SPACA7: variants seen among roughly 807,000 people sequenced by gnomAD.
The protein encoded by SPACA7 is sperm acrosome associated 7, also known as sperm acrosome-associated protein 7.
SPACA7 carries 19 observed loss-of-function variants against 26.3 expected under a neutral mutation model. That is an observed-to-expected ratio of 0.72 (90% CI 0.50 to 1.06). The LOEUF is 1.06. Among genes scored for constraint, SPACA7 ranks in the 50% least tolerant of loss-of-function variants. SPACA7 has a pLI of 0.00. For missense variants in SPACA7, 211 were observed against 229.9 expected (o/e 0.92, Z 0.53); for synonymous variants, 84 against 84.5 (o/e 0.99, Z 0.04).
chr13:112,432,332 C>T (rs574952299), intron 5 of SPACA7, 112 bp from the exon 6 acceptor site: 41 of 795,826 alleles, frequency 5.2e-5, no homozygotes, highest in East Asian at 1.2e-4. Context: ...TTGCTCTGTG[C>T]GTGGGTGCTG....
intron 5 of SPACA7, among the ~76,000 whole-genome samples, chr13:112,423,679 T>A (rs1876225850): frequency 6.6e-6 from 1 of 152,178 alleles, no homozygotes; most frequent in Non-Finnish European, 1.5e-5. Flanking sequence ...CCCATATCAG[T>A]GAAGAACATA....
intron 1 of SPACA7, among the ~76,000 whole-genome samples, chr13:112,380,512 C>A (rs761880217): frequency 1.5e-4 from 23 of 151,362 alleles, no homozygotes; most frequent in Middle Eastern, 3.5e-3. Context: ...ACTCTTGATA[C>A]TAAAGCTCAT....
At chr13:112,422,381 A>G (rs1876075166) in intron 5 of SPACA7, among the ~76,000 whole-genome samples, 1 of 152,226 alleles carries the variant, frequency 6.6e-6, no homozygotes, top group African/African-American at 2.4e-5. Context: ...AGTAATTGAT[A>G]AAAGAAATAG....
chr13:112,424,033 A>G (rs1876270959), intron 5 of SPACA7, among the ~76,000 whole-genome samples: 1 of 152,358 alleles, frequency 6.6e-6, no homozygotes, highest in South Asian at 2.1e-4. Context: ...CTTCGTTTTA[A>G]AGAAAACGTC....
At chr13:112,393,311 G>A (rs1207812590) in intron 2 of SPACA7, among the ~76,000 whole-genome samples, 1 of 150,780 alleles carries the variant, frequency 6.6e-6, no homozygotes, top group African/African-American at 2.4e-5. Flanking sequence ...AAAAGTGCGT[G>A]GGAGCCTTGC....
intron 2 of SPACA7, among the ~76,000 whole-genome samples, chr13:112,395,943 C>G (rs1179544125): frequency 6.6e-6 from 1 of 152,002 alleles, no homozygotes; most frequent in East Asian, 1.9e-4. Context: ...ACCAATCTCC[C>G]CGAGGGTAGG....
chr13:112,416,937 C>T (rs1390319848), intron 5 of SPACA7, among the ~76,000 whole-genome samples: 1 of 151,950 alleles, frequency 6.6e-6, no homozygotes, highest in African/African-American at 2.4e-5. Context: ...TATGGACACA[C>T]AAATCTTTAG....
intron 5 of SPACA7, among the ~76,000 whole-genome samples, chr13:112,430,357 A>G (rs1876979217): frequency 6.6e-6 from 1 of 152,230 alleles, no homozygotes; most frequent in Non-Finnish European, 1.5e-5. Flanking sequence ...GGCTGCATTC[A>G]GCTGCTTTCC....
At chr13:112,413,355 G>T (rs1373256210) in intron 5 of SPACA7, among the ~76,000 whole-genome samples, 1 of 132,456 alleles carries the variant, frequency 7.5e-6, no homozygotes, top group Non-Finnish European at 1.6e-5. Context: ...GAGCATTCTT[G>T]GTTGGAAGAG....
At chr13:112,428,399 A>G (rs1029829832) in intron 5 of SPACA7, among the ~76,000 whole-genome samples, 2 of 152,006 alleles carry the variant, frequency 1.3e-5, no homozygotes, top group Non-Finnish European at 2.9e-5. Context: ...GGCCAAAATG[A>G]TGAAACCCCA....
At chr13:112,420,530 AG>A (rs1402592899) in intron 5 of SPACA7, among the ~76,000 whole-genome samples, 2 of 83,456 alleles carry the variant, frequency 2.4e-5, no homozygotes, top group African/African-American at 6.5e-5. Flanking sequence ...TGAAACATAA[AG>A]GGAAAAAAAA....
At chr13:112,391,902 T>C (rs1884913622) in intron 1 of SPACA7, among the ~76,000 whole-genome samples, 1 of 152,208 alleles carries the variant, frequency 6.6e-6, no homozygotes, top group African/African-American at 2.4e-5. Context: ...TGCCATCACA[T>C]CTCAGACCTT....
In SPACA7 at chr13:112,408,069, G is replaced by A. The variant is rs181273310; in HGVS notation, c.445+6905G>A. On this transcript the variant is annotated intron_variant, in intron 5 of 6. Coordinates refer to ENST00000283550, the MANE Select transcript of SPACA7 (RefSeq NM_145248.5). ...GGGATGCAAGGCTGGTTCAAAGTAC[G>A]CAAATAAATAAACGTAGTCGAGCAT... is the stretch of plus-strand genomic sequence containing the variant. Among the ~76,000 whole-genome samples, 8 of 152,216 alleles carry A rather than the reference G, an allele frequency of 5.3e-5. No homozygotes were observed. In the East Asian group the frequency reaches 9.6e-4, roughly 18 times the overall value.
At chr13:112,416,401 C>A (rs1243110504) in intron 5 of SPACA7, among the ~76,000 whole-genome samples, 9 of 152,068 alleles carry the variant, frequency 5.9e-5, no homozygotes, top group African/African-American at 2.2e-4. Flanking sequence ...ATTCCCCTGC[C>A]TCAGCCTCCC....
intron 1 of SPACA7, among the ~76,000 whole-genome samples, chr13:112,379,093 A>G (rs1288618481): frequency 6.6e-6 from 1 of 152,242 alleles, no homozygotes; most frequent in Non-Finnish European, 1.5e-5. Context: ...AAAAAACCAG[A>G]AACATTTCCA....
intron 5 of SPACA7, among the ~76,000 whole-genome samples, chr13:112,421,910 G>A (rs748131461): frequency 1.3e-5 from 2 of 152,114 alleles, no homozygotes; most frequent in African/African-American, 2.4e-5. Flanking sequence ...GCTAAATGAT[G>A]AGAACACATG....
chr13:112,400,289 A>G (rs1885554797), intron 4 of SPACA7, among the ~76,000 whole-genome samples: 1 of 152,188 alleles, frequency 6.6e-6, no homozygotes, highest in Non-Finnish European at 1.5e-5. Flanking sequence ...CGATTTTTTC[A>G]GGACTTAAAC....
chr13:112,395,941 C>A (rs1885218692), intron 2 of SPACA7, among the ~76,000 whole-genome samples: 2 of 152,046 alleles, frequency 1.3e-5, no homozygotes, highest in Admixed American at 1.3e-4. Flanking sequence ...TGACCAATCT[C>A]CCCGAGGGTA....
In SPACA7 at chr13:112,432,490, C is replaced by T; in HGVS notation, c.492C>T (p.Asp164=). Residue 164 remains aspartate, a synonymous_variant, in exon 6 of 7, where the codon GAC becomes GAT. Transcript: ENST00000283550. ...NTQYENLSIL[D]QILQNIGRSS... is the part of the protein sequence containing the mutation. ...AGTATGAAAATCTATCCATTCTGGA[C>T]CAAATCCTTCAAAATATTGGAAGAT... is the stretch of plus-strand genomic sequence containing the variant. The T allele has an allele frequency of 6.2e-7, 1 of 1,611,020 alleles. No individual in the cohort carries two copies. Among genetic ancestry groups the T allele is most frequent in the Non-Finnish European group, 8.5e-7 (1 of 1,177,172 alleles).
Sources: gnomAD v4.1 joint callset for allele counts (sites outside exome capture counted in the v4.1 genomes callset) on GRCh38, gnomAD v4.1.1 for gene constraint, MANE v1.5 for transcripts, NCBI Gene and HGNC (gene_info 2026-07-23, HGNC 2026-07-21) for gene names.